Variants in SLC35D1 observed in about 807,000 individuals in gnomAD.
SLC35D1 encodes nucleotide sugar transporter SLC35D1.
SLC35D1 carries 31 observed loss-of-function variants against 46.7 expected under a neutral mutation model. The observed-to-expected ratio is 0.66, with a 90% CI of 0.50 to 0.90. SLC35D1 has a LOEUF of 0.90. Among genes scored for constraint, SLC35D1 ranks in the 40% least tolerant of loss-of-function variants. The probability of loss-of-function intolerance (pLI) is 0.00; values close to 1 mark genes in which losing one functional copy is unlikely to be tolerated. For missense variants in SLC35D1, 397 were observed against 426.2 expected, an observed-to-expected ratio of 0.93 and a Z score of 0.60; for synonymous variants, 195 against 164.6, an observed-to-expected ratio of 1.18 and a Z score of -1.41.
chr1:66,973,039 A>G, the SLC35D1 span: 8 of 953,028 alleles, frequency 8.4e-6, no homozygotes, highest in Non-Finnish European at 1.4e-5. Flanking sequence ...TAGTTGAACA[A>G]CTCAAATGGT....
At chr1:67,041,469 T>C (rs1645179239) in intron 8 of SLC35D1, among the ~76,000 whole-genome samples, 2 of 152,210 alleles carry the variant, frequency 1.3e-5, no homozygotes. Flanking sequence ...TCACGGTCTT[T>C]AGAGTAAATG....
chr1:67,013,752 G>A (rs1248864912), intron 10 of SLC35D1, among the ~76,000 whole-genome samples: 1 of 152,046 alleles, frequency 6.6e-6, no homozygotes, highest in Admixed American at 6.6e-5. Context: ...AGAGATGAGT[G>A]GTGAGTCATC....
the SLC35D1 span, chr1:66,985,658 C>T: frequency 6.1e-6 from 6 of 984,716 alleles, no homozygotes; most frequent in African/African-American, 7.0e-5. Context: ...TTAACTTGTA[C>T]AGTTGGTAAA....
At chr1:67,031,247 G>C (rs1226055723) in intron 8 of SLC35D1, among the ~76,000 whole-genome samples, 1 of 151,744 alleles carries the variant, frequency 6.6e-6, no homozygotes, top group Non-Finnish European at 1.5e-5. Flanking sequence ...TCAGTCTATG[G>C]CACAAGCACG....
At chr1:67,052,206 C>T in intron 3 of SLC35D1, 127 bp from the exon 4 acceptor site, 1 of 708,082 alleles carries the variant, frequency 1.4e-6, no homozygotes, top group Non-Finnish European at 2.5e-6. Flanking sequence ...AATTAGTTAT[C>T]ATACACAATT....
chr1:66,981,581 T>G, the SLC35D1 span, among the ~76,000 whole-genome samples: 1 of 152,222 alleles, frequency 6.6e-6, no homozygotes, highest in Admixed American at 6.5e-5. Context: ...AAAGCCGTTA[T>G]GCATTTTTCC....
chr1:67,044,086 A>G (rs1019819865), intron 7 of SLC35D1, among the ~76,000 whole-genome samples: 1 of 152,214 alleles, frequency 6.6e-6, no homozygotes, highest in Non-Finnish European at 1.5e-5. Flanking sequence ...CTGTCATCTC[A>G]GCATTTGGGG....
chr1:66,995,867 C>T (rs1171479635), downstream of SLC35D1, among the ~76,000 whole-genome samples: 1 of 152,044 alleles, frequency 6.6e-6, no homozygotes, highest in African/African-American at 2.4e-5. Flanking sequence ...GAACATTGTC[C>T]TCAAAAATAT....
chr1:67,043,206 A>C (rs957504793), intron 7 of SLC35D1, among the ~76,000 whole-genome samples: 43 of 150,636 alleles, frequency 2.9e-4, no homozygotes, highest in African/African-American at 9.7e-4. Flanking sequence ...AAAAAAAAAA[A>C]CAAAAAAACC....
At chr1:66,985,033 A>G in the SLC35D1 span, 2 of 1,387,710 alleles carry the variant, frequency 1.4e-6, no homozygotes, top group East Asian at 5.4e-5. Context: ...ACTTTAGGAA[A>G]TGAGGTTTCA....
chr1:66,987,212 A>G, the SLC35D1 span: 2 of 152,758 alleles, frequency 1.3e-5, no homozygotes, highest in African/African-American at 2.4e-5. Flanking sequence ...GGTATTTCAC[A>G]CAATAATTTG....
At chr1:67,029,848 T>C (rs1667982639) in intron 8 of SLC35D1, among the ~76,000 whole-genome samples, 1 of 152,210 alleles carries the variant, frequency 6.6e-6, no homozygotes, top group South Asian at 2.1e-4. Context: ...ATTTTAATTG[T>C]TCACATTTTA....
chr1:67,027,180 T>C (rs1667931897), intron 8 of SLC35D1, among the ~76,000 whole-genome samples: 1 of 152,216 alleles, frequency 6.6e-6, no homozygotes, highest in Non-Finnish European at 1.5e-5. Flanking sequence ...GGCATAATAT[T>C]GTTCATAATA....
chr1:67,008,569 T>C, intron 11 of SLC35D1: 1 of 731,196 alleles, frequency 1.4e-6, no homozygotes, highest in South Asian at 1.8e-5. Context: ...CTACTAAATC[T>C]ACTTTATCTG....
At chr1:66,979,865 A>T in the SLC35D1 span, among the ~76,000 whole-genome samples, 34 of 152,078 alleles carry the variant, frequency 2.2e-4, no homozygotes, top group African/African-American at 8.2e-4. Context: ...CCCGGGTTGA[A>T]GTGATTCTAC....
At chr1:66,985,651 A>G in the SLC35D1 span, 20 of 984,868 alleles carry the variant, frequency 2.0e-5, no homozygotes, top group African/African-American at 3.5e-4. Context: ...AATTTTCTTA[A>G]CTTGTACAGT....
At chr1:67,009,189 T>C (rs754974284) in intron 10 of SLC35D1, 22 bp from the exon 11 acceptor site, 27 of 912,946 alleles carry the variant, frequency 3.0e-5, no homozygotes, top group Non-Finnish European at 4.4e-5. Flanking sequence ...AATAGTAATA[T>C]ACTGTTATAT....
chr1:67,052,504 G>T (rs1645320205), intron 3 of SLC35D1, among the ~76,000 whole-genome samples: 1 of 152,188 alleles, frequency 6.6e-6, no homozygotes, highest in Non-Finnish European at 1.5e-5. Context: ...TAGATGGATA[G>T]AGAAACTGCA....
Position 67,052,938 on chromosome 1 carries a change from G to T in SLC35D1, c.237+18C>A, listed in dbSNP as rs755536203. ...TTCTAACAACATAAACCACGTAATG[G>T]TGAGGATTCCAACTAACCTGGCCAA... is the stretch of plus-strand genomic sequence containing the variant. On this transcript the variant is annotated intron_variant, in intron 2 of 11. Transcript: ENST00000235345. 1.9e-6 allele frequency: 3 copies of T among 1,613,918 alleles called. No individual in the cohort carries two copies. In the African/African-American group the frequency reaches 4.0e-5, roughly 22 times the overall value.
Sources: gnomAD v4.1 joint callset for allele counts (sites outside exome capture counted in the v4.1 genomes callset) on GRCh38, gnomAD v4.1.1 for gene constraint, MANE v1.5 for transcripts, NCBI Gene and HGNC (gene_info 2026-07-23, HGNC 2026-07-21) for gene names.